XKR6: variants seen among roughly 807,000 people sequenced by gnomAD.
XKR6 encodes XK-related protein 6.
A neutral mutation model predicts 56.7 loss-of-function variants in XKR6; 22 were observed. The observed-to-expected ratio is 0.39, with a 90% CI of 0.28 to 0.55. The LOEUF is 0.55. Ranked by LOEUF, XKR6 falls within the 20% of genes least tolerant of loss-of-function variation. The pLI is 0.66. For synonymous variants in XKR6, 524 were observed against 387.8 expected, an observed-to-expected ratio of 1.35 and a Z score of -4.13; for missense variants, 852 against 889.0, an observed-to-expected ratio of 0.96 and a Z score of 0.53.
chr8:11,022,072 C>A (rs1366773005), intron 1 of XKR6, among the ~76,000 whole-genome samples: 1 of 150,334 alleles, frequency 6.7e-6, no homozygotes, highest in Non-Finnish European at 1.5e-5. Context: ...CACTGGGGAG[C>A]TTTTTCAGAA....
At chr8:11,043,282 G>C (rs186549332) in intron 1 of XKR6, among the ~76,000 whole-genome samples, 10 of 152,254 alleles carry the variant, frequency 6.6e-5, no homozygotes, top group Non-Finnish European at 1.3e-4. Context: ...GATGCGAGGT[G>C]GGGTGTTGGG....
rs144768589 is a variant in XKR6, at chr8:10,990,617, G to T, written c.765-65787C>A. 2.3e-3 allele frequency among the ~76,000 whole-genome samples: 354 copies of T among 152,094 alleles called. 3 individuals are homozygous for T. Among genetic ancestry groups the T allele is most frequent in the African/African-American group, 7.7e-3 (318 of 41,468 alleles). ...GTTGTTGCTGTTATTGCTGAGACAG[G>T]GTCTCACTCTGTCACCCAACTGTGC... is the stretch of plus-strand genomic sequence containing the variant. On this transcript the variant is annotated intron_variant, in intron 1 of 2. Transcript: ENST00000416569.
At chr8:11,076,730 G>C (rs914175228) in intron 1 of XKR6, among the ~76,000 whole-genome samples, 1 of 152,254 alleles carries the variant, frequency 6.6e-6, no homozygotes, top group Non-Finnish European at 1.5e-5. Flanking sequence ...GCCTCAGCCA[G>C]CGCAGGCAGC....
chr8:11,158,159 G>A lies in XKR6; in HGVS notation c.764+42417C>T, dbSNP rs573634444. Among the ~76,000 whole-genome samples, 125 of 152,300 alleles carry A rather than the reference G, an allele frequency of 8.2e-4. 1 individual carries two copies. Among genetic ancestry groups the A allele is most frequent in the African/African-American group, 3.0e-3 (123 of 41,564 alleles). ...GCACCGGGACTCAGTGAGGAGTGGG[G>A]AAAGGCAATAATCAATCGTCAGCCA... On this transcript the variant is annotated intron_variant, in intron 1 of 2. Transcript: ENST00000416569.
intron 1 of XKR6, among the ~76,000 whole-genome samples, chr8:11,141,442 C>G (rs1800693873): frequency 6.6e-6 from 1 of 152,284 alleles, no homozygotes; most frequent in South Asian, 2.1e-4. Context: ...CCATGTGAAG[C>G]TGAAAGCCAG....
chr8:11,091,256 C>A (rs1347426349), intron 1 of XKR6, among the ~76,000 whole-genome samples: 1 of 152,018 alleles, frequency 6.6e-6, no homozygotes, highest in African/African-American at 2.4e-5. Flanking sequence ...CACAGTGAGA[C>A]CCCATCTCTA....
chr8:11,023,792 G>C (rs1156885958), intron 1 of XKR6, among the ~76,000 whole-genome samples: 2 of 152,204 alleles, frequency 1.3e-5, no homozygotes, highest in Admixed American at 6.5e-5. Flanking sequence ...GGAGCCACCT[G>C]CGGTGCTGAC....
chr8:10,978,167 A>T (rs925741249), intron 1 of XKR6, among the ~76,000 whole-genome samples: 3 of 152,102 alleles, frequency 2.0e-5, no homozygotes, highest in Admixed American at 6.6e-5. Context: ...TACCATCACC[A>T]CCTAAGCCCT....
intron 1 of XKR6, among the ~76,000 whole-genome samples, chr8:11,122,875 C>G (rs757690784): frequency 6.6e-6 from 1 of 152,122 alleles, no homozygotes; most frequent in Non-Finnish European, 1.5e-5. Context: ...AAAAGTAACA[C>G]ACAATTCATG....
At chr8:11,035,225 G>A (rs1366594490) in intron 1 of XKR6, 5 of 534,760 alleles carry the variant, frequency 9.3e-6, no homozygotes, top group South Asian at 4.2e-5. Flanking sequence ...TGATGATGAC[G>A]ATGACAACGA....
chr8:11,035,285 T>C (rs757773341), intron 1 of XKR6: 2 of 534,744 alleles, frequency 3.7e-6, no homozygotes, highest in South Asian at 2.8e-5. Context: ...ACCGCCAGCA[T>C]CAGCAGCATC....
At chr8:11,053,754 A>G (rs1270580989) in intron 1 of XKR6, among the ~76,000 whole-genome samples, 1 of 152,242 alleles carries the variant, frequency 6.6e-6, no homozygotes, top group Non-Finnish European at 1.5e-5. Context: ...GGATAAAAAT[A>G]AAAACATCCC....
intron 1 of XKR6, among the ~76,000 whole-genome samples, chr8:10,983,109 G>GA (rs898066118): frequency 1.8e-4 from 27 of 151,496 alleles, no homozygotes; most frequent in African/African-American, 6.3e-4. Context: ...TGGATCTTGA[G>GA]AAAAAAATAA....
At chr8:11,101,033 G>C (rs1181861472) in intron 1 of XKR6, among the ~76,000 whole-genome samples, 2 of 152,176 alleles carry the variant, frequency 1.3e-5, no homozygotes, top group African/African-American at 2.4e-5. Flanking sequence ...CACATCGGAC[G>C]AAAGAGGCTG....
chr8:10,929,776 A>G (rs1801003807), intron 1 of XKR6, among the ~76,000 whole-genome samples: 1 of 152,234 alleles, frequency 6.6e-6, no homozygotes, highest in South Asian at 2.1e-4. Context: ...CTGTGAGCAC[A>G]GACAGGAGGT....
intron 1 of XKR6, among the ~76,000 whole-genome samples, chr8:10,960,417 C>T (rs1407368372): frequency 6.6e-6 from 1 of 152,236 alleles, no homozygotes; most frequent in Non-Finnish European, 1.5e-5. Context: ...GGTCAAGATG[C>T]ATGCTTACTC....
intron 1 of XKR6, among the ~76,000 whole-genome samples, chr8:11,136,089 TA>T (rs1397981053): frequency 6.6e-6 from 1 of 152,132 alleles, no homozygotes; most frequent in Non-Finnish European, 1.5e-5. Context: ...TCTTAGAACA[TA>T]AAAACTAGTG....
At chr8:11,042,494 A>C (rs1047261195) in intron 1 of XKR6, among the ~76,000 whole-genome samples, 1 of 152,200 alleles carries the variant, frequency 6.6e-6, no homozygotes, top group African/African-American at 2.4e-5. Flanking sequence ...GTCTGCCACC[A>C]TGTAAGACAT....
intron 2 of XKR6, among the ~76,000 whole-genome samples, chr8:10,915,747 T>C (rs932937449): frequency 1.3e-5 from 2 of 152,164 alleles, no homozygotes; most frequent in Non-Finnish European, 1.5e-5. Context: ...AGATTCCAAA[T>C]GGCATCTCCT....
Sources: allele counts gnomAD v4.1 joint callset (sites outside exome capture counted in the v4.1 genomes callset), GRCh38; gene constraint gnomAD v4.1.1; transcripts MANE v1.5; gene names NCBI Gene and HGNC (gene_info 2026-07-23, HGNC 2026-07-21).